The following AFAP1 variants were observed in gnomAD, a reference collection of about 807,000 sequenced individuals.
The protein encoded by AFAP1 is actin filament associated protein 1, also known as actin filament-associated protein 1.
In AFAP1, 75 loss-of-function variants were observed where a neutral mutation model predicts 93.9. That is an observed-to-expected ratio of 0.80 (90% CI 0.66 to 0.97). The LOEUF is 0.97. AFAP1 is among the 50% of genes least tolerant of loss of function. The pLI is 0.00. For missense variants in AFAP1, 1,201 were observed against 1,050.8 expected, an observed-to-expected ratio of 1.14 and a Z score of -1.98; for synonymous variants, 517 against 430.7, an observed-to-expected ratio of 1.20 and a Z score of -2.48.
intron 11 of AFAP1, chr4:7,788,795 C>CCCG (rs543688982): frequency 6.6e-6 from 1 of 151,962 alleles, no homozygotes; most frequent in Non-Finnish European, 1.5e-5. Flanking sequence ...GGGACCATCC[C>CCCG]CTCCCCTGTG....
chr4:7,837,106 A>G (rs1712397630), intron 6 of AFAP1, among the ~76,000 whole-genome samples: 1 of 152,232 alleles, frequency 6.6e-6, no homozygotes, highest in Non-Finnish European at 1.5e-5. Context: ...AACGTTTCTA[A>G]AAGAAATTTA....
intron 9 of AFAP1, 30 bp downstream of exon 9, chr4:7,809,584 G>A (rs764414438): frequency 1.2e-5 from 19 of 1,599,950 alleles, no homozygotes; most frequent in South Asian, 3.4e-5. Context: ...TTAGGTGCAC[G>A]CTGCTCGTCT....
At chr4:7,926,030 GC>G (rs1404756602) in intron 1 of AFAP1, among the ~76,000 whole-genome samples, 1 of 152,048 alleles carries the variant, frequency 6.6e-6, no homozygotes, top group Non-Finnish European at 1.5e-5. Flanking sequence ...TCCTACTGCC[GC>G]CCCACTTTAC....
intron 1 of AFAP1, among the ~76,000 whole-genome samples, chr4:7,897,029 C>T (rs1421141325): frequency 1.3e-5 from 2 of 152,036 alleles, no homozygotes; most frequent in Non-Finnish European, 2.9e-5. Flanking sequence ...GATGTTTGGT[C>T]TAGAGACTCT....
At chr4:7,899,719 G>A (rs1055909843) in intron 1 of AFAP1, among the ~76,000 whole-genome samples, 12 of 152,172 alleles carry the variant, frequency 7.9e-5, no homozygotes, top group African/African-American at 2.2e-4. Context: ...TACAGGAGCC[G>A]AGGTTAGACA....
intron 15 of AFAP1, 23 bp downstream of exon 15, chr4:7,774,716 G>A: frequency 4.3e-6 from 7 of 1,611,588 alleles, no homozygotes; most frequent in Non-Finnish European, 5.9e-6. Context: ...TGCACCCTGG[G>A]CAGTCACCCA....
At chr4:7,909,752 G>A (rs1199040434) in intron 1 of AFAP1, among the ~76,000 whole-genome samples, 1 of 152,142 alleles carries the variant, frequency 6.6e-6, no homozygotes, top group East Asian at 1.9e-4. Context: ...AGAACCATCT[G>A]GGGGTTTTTA....
At chr4:7,810,455 C>CA (rs1326226148) in intron 8 of AFAP1, among the ~76,000 whole-genome samples, 39 of 152,298 alleles carry the variant, frequency 2.6e-4, no homozygotes, top group Admixed American at 9.2e-4. Context: ...GTCTGAGGAA[C>CA]AGAAGGCAGC....
At chr4:7,771,550 G>A (rs895385487) in intron 16 of AFAP1, among the ~76,000 whole-genome samples, 4 of 152,158 alleles carry the variant, frequency 2.6e-5, no homozygotes, top group African/African-American at 4.8e-5. Context: ...GGGAAGATGT[G>A]AATGATGTGA....
intron 1 of AFAP1, among the ~76,000 whole-genome samples, chr4:7,898,837 GTCTATTTCATATATA>G (rs1718947450): frequency 6.6e-6 from 1 of 150,384 alleles, no homozygotes; most frequent in African/African-American, 2.4e-5. Flanking sequence ...GTGTGTGTGT[GTCTATTTCATATATA>G]TGTATGTGTA....
At chr4:7,934,800 A>G (rs549256686) in intron 1 of AFAP1, among the ~76,000 whole-genome samples, 1 of 152,298 alleles carries the variant, frequency 6.6e-6, no homozygotes, top group East Asian at 1.9e-4. Context: ...TCCCAGCCTC[A>G]AGACAGGGCA....
chr4:7,939,534 G>A lies in AFAP1; in HGVS notation c.-3+122C>T, dbSNP rs1721611404. On this transcript the variant is annotated intron_variant, in intron 1 of 17. Coordinates refer to ENST00000420658, the MANE Select transcript of AFAP1 (RefSeq NM_001134647.2). This position sits in a 1 kb window ranked among gnomAD's most constrained non-coding sequence, Gnocchi z 5.6. ...GCGCGGAGCCCCCGGTACCACCCGA[G>A]GCCGAGACAAAGCCCAGGCGCACGG... 2 of 365,866 alleles carry A rather than the reference G, an allele frequency of 5.5e-6. No individual in the cohort carries two copies. Among genetic ancestry groups the A allele is most frequent in the African/African-American group, 2.3e-5 (1 of 44,246 alleles). The allele number at this position is 365,866 out of a possible 1,614,324, so 22.7% of individuals were successfully genotyped here. A position where few individuals can be genotyped will look rare whatever the true frequency, so the allele number is the denominator to read the frequency against.
chr4:7,854,728 A>T (rs115731827), intron 4 of AFAP1, among the ~76,000 whole-genome samples: 121,878 of 151,576 alleles, frequency 0.8, 49,192 homozygotes, highest in East Asian at 0.94. Flanking sequence ...TTTCTTTTTA[A>T]AAAAAGCAAG....
chr4:7,789,651 T>C (rs10440168), intron 11 of AFAP1, among the ~76,000 whole-genome samples: 63,861 of 112,650 alleles, frequency 0.57, 19,942 homozygotes, highest in East Asian at 0.82. Context: ...CCCCACACTC[T>C]GCACCAGCCC....
At chr4:7,848,716 C>T (rs924835549) in intron 4 of AFAP1, among the ~76,000 whole-genome samples, 2 of 152,120 alleles carry the variant, frequency 1.3e-5, no homozygotes, top group Non-Finnish European at 2.9e-5. Flanking sequence ...CACAGATACA[C>T]CCAAAAATAA....
intron 3 of AFAP1, chr4:7,862,227 G>A (rs1342211830): frequency 2.0e-5 from 3 of 152,262 alleles, no homozygotes; most frequent in East Asian, 3.8e-4. Flanking sequence ...CAGCTACTCG[G>A]GAGGCTGAGG....
In AFAP1 at chr4:7,802,893, C is replaced by A. The variant is rs576059242; in HGVS notation, c.1055-2240G>T. ...CTCGATCTCCTGACCTTGTGATCCA[C>A]CCGCCTCGGCCTCCCAAAGTGCTGG... On this transcript the variant is annotated intron_variant, in intron 9 of 17. Transcript: ENST00000420658. Among the ~76,000 whole-genome samples the A allele has an allele frequency of 9.2e-5, 14 of 152,242 alleles. No homozygotes were observed. The South Asian group carries it at 2.9e-3, about 32-fold the overall frequency.
At chr4:7,833,147 A>G (rs1711831049) in intron 6 of AFAP1, among the ~76,000 whole-genome samples, 1 of 152,252 alleles carries the variant, frequency 6.6e-6, no homozygotes, top group Non-Finnish European at 1.5e-5. Context: ...ACAAAGTTAA[A>G]TAGCTGGGAC....
At chr4:7,895,402 TA>T (rs35378109) in intron 1 of AFAP1, among the ~76,000 whole-genome samples, 29 of 152,070 alleles carry the variant, frequency 1.9e-4, no homozygotes, top group African/African-American at 6.5e-4. Flanking sequence ...AAGATTTTTT[TA>T]AAAAAAGCTC....
Sources: gnomAD v4.1 joint callset for allele counts (sites outside exome capture counted in the v4.1 genomes callset) on GRCh38, gnomAD v4.1.1 for gene constraint, Gnocchi (gnomAD v3.1) non-coding constraint, MANE v1.5 for transcripts, NCBI Gene and HGNC (gene_info 2026-07-23, HGNC 2026-07-21) for gene names.